RABGAP1L: variants seen among roughly 807,000 people sequenced by gnomAD.
RABGAP1L encodes the protein RAB GTPase activating protein 1 like.
Under a neutral mutation model 137.7 loss-of-function variants are expected in RABGAP1L, and 63 were observed. The ratio of observed to expected loss-of-function variants is 0.46; its 90% CI spans 0.37 to 0.56. The LOEUF (loss-of-function observed/expected upper bound fraction) is 0.56. RABGAP1L is among the 20% of genes least tolerant of loss of function. The pLI, the probability that RABGAP1L is intolerant of heterozygous loss-of-function variation, is 0.00. For synonymous variants in RABGAP1L, 431 were observed against 433.7 expected (o/e 0.99, Z 0.08); for missense variants, 1,095 against 1,244.0 (o/e 0.88, Z 1.80).
chr1:174,420,891 G>A (rs1356615122), intron 13 of RABGAP1L, among the ~76,000 whole-genome samples: 1 of 152,010 alleles, frequency 6.6e-6, no homozygotes, highest in East Asian at 1.9e-4. Context: ...TCGCCAGGAT[G>A]GTCTCGATCT....
At chr1:174,460,420 C>T (rs1227242719) in intron 13 of RABGAP1L, among the ~76,000 whole-genome samples, 1 of 151,940 alleles carries the variant, frequency 6.6e-6, no homozygotes, top group Non-Finnish European at 1.5e-5. Context: ...TCTTCCATTT[C>T]CCCCCTATGG....
chr1:174,409,685 G>A (rs1374123758), intron 13 of RABGAP1L, among the ~76,000 whole-genome samples: 1 of 152,104 alleles, frequency 6.6e-6, no homozygotes, highest in Non-Finnish European at 1.5e-5. Flanking sequence ...CCCTGGGAAA[G>A]GAATGCATTC....
chr1:174,417,367 C>T (rs753404555), intron 13 of RABGAP1L, among the ~76,000 whole-genome samples: 9 of 152,168 alleles, frequency 5.9e-5, no homozygotes, highest in Non-Finnish European at 1.2e-4. Flanking sequence ...GCATTACAGT[C>T]TAATGTTTAC....
chr1:174,529,348 T>G (rs1664193231), intron 13 of RABGAP1L, among the ~76,000 whole-genome samples: 1 of 152,222 alleles, frequency 6.6e-6, no homozygotes, highest in Non-Finnish European at 1.5e-5. Context: ...TAGGACACTT[T>G]GGCTTTGATT....
At chr1:174,240,963 G>T (rs1279792892) in intron 4 of RABGAP1L, among the ~76,000 whole-genome samples, 1 of 151,818 alleles carries the variant, frequency 6.6e-6, no homozygotes, top group Non-Finnish European at 1.5e-5. Flanking sequence ...TGTGTGTTGT[G>T]AATATGAAGA....
At chr1:174,715,269 T>G (rs1293984323) in intron 17 of RABGAP1L, among the ~76,000 whole-genome samples, 1 of 152,214 alleles carries the variant, frequency 6.6e-6, no homozygotes, top group Non-Finnish European at 1.5e-5. Flanking sequence ...ATTGTAATTA[T>G]TAGTAACAAC....
At chr1:174,348,835 T>A (rs1485094634) in intron 11 of RABGAP1L, among the ~76,000 whole-genome samples, 1 of 152,050 alleles carries the variant, frequency 6.6e-6, no homozygotes, top group Non-Finnish European at 1.5e-5. Context: ...CAGAACAAAA[T>A]GAAAAGTCTC....
At chr1:174,354,498 TTTA>T (rs1683449835) in intron 11 of RABGAP1L, among the ~76,000 whole-genome samples, 1 of 152,160 alleles carries the variant, frequency 6.6e-6, no homozygotes, top group Non-Finnish European at 1.5e-5. Context: ...CACAATTTAC[TTTA>T]AAAAAAGAGT....
At chr1:174,646,336 T>C (rs932773692) in intron 14 of RABGAP1L, among the ~76,000 whole-genome samples, 1 of 152,204 alleles carries the variant, frequency 6.6e-6, no homozygotes, top group African/African-American at 2.4e-5. Context: ...AGGATTTTTA[T>C]GGTTTTAGGT....
intron 12 of RABGAP1L, 63 bp from the exon 13 acceptor site, chr1:174,393,932 A>G (rs1647490975): frequency 6.4e-7 from 1 of 1,551,468 alleles, no homozygotes; most frequent in Non-Finnish European, 8.7e-7. Context: ...TATACTTTTC[A>G]TGGCAACAGC....
intron 10 of RABGAP1L, among the ~76,000 whole-genome samples, chr1:174,284,026 A>G (rs1288593911): frequency 2.0e-5 from 3 of 152,236 alleles, no homozygotes; most frequent in Non-Finnish European, 2.9e-5. Flanking sequence ...GTACAATGTG[A>G]TGATTTGATA....
At chr1:174,901,744 G>T (rs1658170127) in intron 19 of RABGAP1L, among the ~76,000 whole-genome samples, 1 of 152,182 alleles carries the variant, frequency 6.6e-6, no homozygotes, top group Non-Finnish European at 1.5e-5. Context: ...ATTTGGAAGA[G>T]AACAGACTCT....
At chr1:174,426,420 A>G (rs1204624096) in intron 13 of RABGAP1L, among the ~76,000 whole-genome samples, 1 of 152,120 alleles carries the variant, frequency 6.6e-6, no homozygotes, top group African/African-American at 2.4e-5. Flanking sequence ...TAGATATTAG[A>G]TAAATGGTTT....
intron 13 of RABGAP1L, among the ~76,000 whole-genome samples, chr1:174,425,964 A>C (rs1651905035): frequency 6.6e-6 from 1 of 152,076 alleles, no homozygotes; most frequent in African/African-American, 2.4e-5. Flanking sequence ...TTTATAAATA[A>C]GTTTCTTCTA....
At chr1:174,358,415 C>T (rs1571389244) in intron 11 of RABGAP1L, among the ~76,000 whole-genome samples, 1 of 152,164 alleles carries the variant, frequency 6.6e-6, no homozygotes, top group East Asian at 1.9e-4. Context: ...GATTTCCAAG[C>T]TCTAAACCAG....
intron 11 of RABGAP1L, among the ~76,000 whole-genome samples, chr1:174,305,518 A>G (rs1678128172): frequency 6.6e-6 from 1 of 151,860 alleles, no homozygotes; most frequent in African/African-American, 2.4e-5. Flanking sequence ...CTGAGTAGCC[A>G]GATACAGGTG....
intron 13 of RABGAP1L, among the ~76,000 whole-genome samples, chr1:174,567,630 G>A (rs1374291284): frequency 6.6e-6 from 1 of 152,164 alleles, no homozygotes; most frequent in Non-Finnish European, 1.5e-5. Flanking sequence ...GTTAGTATAT[G>A]TGTCTTAACA....
intron 13 of RABGAP1L, among the ~76,000 whole-genome samples, chr1:174,408,718 G>C (rs1558209133): frequency 2.2e-5 from 3 of 137,142 alleles, no homozygotes; most frequent in Admixed American, 1.4e-4. Context: ...GTAGCCTTGT[G>C]AGCATCTGTT....
At chr1:174,863,800 T>G (rs2149030687) in intron 19 of RABGAP1L, among the ~76,000 whole-genome samples, 1 of 151,664 alleles carries the variant, frequency 6.6e-6, no homozygotes, top group South Asian at 2.1e-4. Context: ...GCCAACATGG[T>G]GAAACCCTGT....
Sources: allele counts gnomAD v4.1 joint callset (sites outside exome capture counted in the v4.1 genomes callset), GRCh38; gene constraint gnomAD v4.1.1; transcripts MANE v1.5; gene names NCBI Gene and HGNC (gene_info 2026-07-23, HGNC 2026-07-21).